Variants in RHCE observed in about 807,000 individuals in gnomAD.
RHCE encodes the protein Rh blood group CcEe antigens, also known as blood group Rh(CE) polypeptide.
Under a neutral mutation model 43.8 loss-of-function variants are expected in RHCE, and 22 were observed. The ratio of observed to expected loss-of-function variants is 0.50; its 90% CI spans 0.36 to 0.72. The LOEUF (loss-of-function observed/expected upper bound fraction) is 0.72, where lower values mean the gene tolerates loss of function less well. Ranked by LOEUF, RHCE falls within the 30% of genes least tolerant of loss-of-function variation. The pLI is 0.00. For synonymous variants in RHCE, 156 were observed against 210.7 expected (o/e 0.74, Z 2.25); for missense variants, 385 against 525.4 (o/e 0.73, Z 2.61).
chr1:25,426,035 T>C (rs2042803077), intron 2 of RHCE, among the ~76,000 whole-genome samples: 1 of 152,342 alleles, frequency 6.6e-6, no homozygotes, highest in Non-Finnish European at 1.5e-5. Flanking sequence ...GCCTGTTTCC[T>C]CATCTGGAAA....
At chr1:25,370,045 A>G (rs1417803987) in intron 9 of RHCE, among the ~76,000 whole-genome samples, 1 of 151,524 alleles carries the variant, frequency 6.6e-6, no homozygotes, top group Non-Finnish European at 1.5e-5. Context: ...AGCCAGTTGT[A>G]AGATCTTGAT....
chr1:25,423,232 T>C (rs945819934), upstream of RHCE, among the ~76,000 whole-genome samples: 64 of 152,190 alleles, frequency 4.2e-4, no homozygotes, highest in Non-Finnish European at 7.5e-4. Context: ...TCTTATAAAC[T>C]GGGTTTCCTG....
chr1:25,411,500 G>A lies in RHCE; in HGVS notation c.149-2631C>T, dbSNP rs1025789178. 6 of 1,526,426 alleles carry A rather than the reference G, an allele frequency of 3.9e-6. No individual in the cohort carries two copies. The African/African-American group carries it at 8.3e-5, about 21-fold the overall frequency. The allele number at this position is 1,526,426 out of a possible 1,614,324, so 94.6% of individuals were successfully genotyped here. A position where few individuals can be genotyped will look rare whatever the true frequency, so the allele number is the denominator to read the frequency against. On this transcript the variant is annotated intron_variant, in intron 1 of 9. Transcript: ENST00000294413. ...GGGTCTGCCAGAGAGGACAAGGGAGGACACTGACATTTCCAAATCAACCTG... is the reference window on the plus strand; with the variant it reads ...GGGTCTGCCAGAGAGGACAAGGGAGAACACTGACATTTCCAAATCAACCTG...
intron 3 of RHCE, chr1:25,399,076 C>T (rs1646649025): frequency 6.2e-7 from 1 of 1,601,940 alleles, no homozygotes. Flanking sequence ...CATGGGGATG[C>T]CTCGCAGAAA....
At chr1:25,380,673 A>G (rs1645965331) in intron 7 of RHCE, among the ~76,000 whole-genome samples, 1 of 152,070 alleles carries the variant, frequency 6.6e-6, no homozygotes, top group Admixed American at 6.5e-5. Context: ...CACTTGAACC[A>G]CAGCTGGGAT....
intron 3 of RHCE, 46 bp from the exon 4 acceptor site, chr1:25,392,187 C>G: frequency 6.2e-7 from 1 of 1,613,768 alleles, no homozygotes; most frequent in Non-Finnish European, 8.5e-7. Flanking sequence ...CATCCTCTGC[C>G]CAGGGGAAAG....
rs1307826764 is a variant in RHCE, at chr1:25,396,522, G to T, written c.487-4381C>A. 2.0e-5 allele frequency among the ~76,000 whole-genome samples: 3 copies of T among 152,202 alleles called. No homozygotes were observed. The East Asian group carries it at 5.8e-4, about 29-fold the overall frequency. ...ATTTATAAACAAAAGAGGCTGAATTGACTCACAGTTTGGCATGGCCGGAGA... is the reference window on the plus strand; with the variant it reads ...ATTTATAAACAAAAGAGGCTGAATTTACTCACAGTTTGGCATGGCCGGAGA... On this transcript the variant is annotated intron_variant, in intron 3 of 9. Coordinates refer to ENST00000294413, the MANE Select transcript of RHCE (RefSeq NM_020485.8).
At position 25,417,986 on chromosome 1, in the gene RHCE, C is replaced by T. The variant is rs548931124; in HGVS notation, c.148+2653G>A. On this transcript the variant is annotated intron_variant, in intron 1 of 9. Transcript: ENST00000294413. ...GACTGAAGCCAAACTCCGTATGCAG[C>T]CCAGTGAGTCTACCACCCACTGCTT... Among the ~76,000 whole-genome samples the T allele has an allele frequency of 2.3e-4, 35 of 152,270 alleles. No homozygotes were observed. In the South Asian group the frequency reaches 5.4e-3, roughly 23 times the overall value.
At chr1:25,370,035 A>G (rs111729032) in intron 9 of RHCE, among the ~76,000 whole-genome samples, 10,373 of 151,512 alleles carry the variant, frequency 0.068, 1,370 homozygotes, top group African/African-American at 0.23. Context: ...CACCGTGCCC[A>G]GCCAGTTGTA....
upstream of RHCE, among the ~76,000 whole-genome samples, chr1:25,425,734 C>G (rs774539935): frequency 2.6e-5 from 4 of 152,202 alleles, no homozygotes; most frequent in Non-Finnish European, 5.9e-5. Context: ...CACGTGTAAT[C>G]ATGACTTTTC....
At chr1:25,425,475 T>C (rs937551632), upstream of RHCE, among the ~76,000 whole-genome samples, 1 of 152,190 alleles carries the variant, frequency 6.6e-6, no homozygotes, top group Non-Finnish European at 1.5e-5. Flanking sequence ...ATGGCTTGTG[T>C]TGCTAATCAC....
chr1:25,407,112 A>G (rs2124495483), intron 2 of RHCE, among the ~76,000 whole-genome samples: 1 of 122,178 alleles, frequency 8.2e-6, no homozygotes, highest in African/African-American at 2.5e-5. Context: ...CTGCAGAGAC[A>G]GGGTCTCACT....
chr1:25,362,480 A>G lies in RHCE; in HGVS notation c.*47T>C. The G allele has an allele frequency of 6.3e-7, 1 of 1,595,372 alleles. No individual in the cohort carries two copies. The highest frequency in any genetic ancestry group is 8.6e-7 in the Non-Finnish European group (1 of 1,169,466). ...ACAAATGCAGGCAACAGTGAGAGGA[A>G]GTTGTCTTGTTTTTGAACAGGCCTT... On this transcript the variant is annotated 3_prime_UTR_variant, in exon 10 of 10. Transcript: ENST00000294413.
At position 25,372,959 on chromosome 1, in the gene RHCE, C is replaced by A. The variant is rs368102619; in HGVS notation, c.1153+2390G>T. On this transcript the variant is annotated intron_variant, in intron 8 of 9. Transcript: ENST00000294413. The stretch of plus-strand genomic sequence containing the variant: ...AGCTGGGACTACAGGTGTACCACCA[C>A]ACCTGGCTAATTTTTGTATCTTTTG... Among the ~76,000 whole-genome samples the A allele has an allele frequency of 3.3e-5, 5 of 151,406 alleles. 1 individual carries two copies. The East Asian group carries it at 9.7e-4, about 29-fold the overall frequency.
intron 4 of RHCE, 22 bp downstream of exon 4, chr1:25,391,972 A>G: frequency 6.2e-7 from 1 of 1,612,762 alleles, no homozygotes; most frequent in Non-Finnish European, 8.5e-7. Context: ...GTATGAGACC[A>G]CTCACCCCAC....
chr1:25,406,069 G>C (rs1270689356), intron 2 of RHCE, among the ~76,000 whole-genome samples: 1 of 122,884 alleles, frequency 8.1e-6, no homozygotes, highest in African/African-American at 2.5e-5. Flanking sequence ...ACAGGTCCCT[G>C]TGGACATCAG....
Position 25,417,908 on chromosome 1 carries a change from C to T in RHCE, c.148+2731G>A, listed in dbSNP as rs115875758. On this transcript the variant is annotated intron_variant, in intron 1 of 9. Transcript: ENST00000294413. ...CCAACACCAGCCCTGGCATGGCATCCGCCATGACCCAAACCCAAACTTGTC... is the reference window on the plus strand; with the variant it reads ...CCAACACCAGCCCTGGCATGGCATCTGCCATGACCCAAACCCAAACTTGTC... Among the ~76,000 whole-genome samples, 1,023 of 152,298 alleles carry T rather than the reference C, an allele frequency of 6.7e-3. 14 individuals carry two copies. The highest frequency in any genetic ancestry group is 0.022 in the African/African-American group (924 of 41,570).
intron 5 of RHCE, among the ~76,000 whole-genome samples, chr1:25,389,717 T>G (rs1646297535): frequency 6.6e-6 from 1 of 152,150 alleles, no homozygotes; most frequent in East Asian, 1.9e-4. Context: ...TTATTGTTTT[T>G]ATTATTATTA....
chr1:25,383,231 T>C (rs1215935803), intron 7 of RHCE, among the ~76,000 whole-genome samples: 2 of 152,198 alleles, frequency 1.3e-5, no homozygotes, highest in Non-Finnish European at 2.9e-5. Flanking sequence ...TGGGAAATGC[T>C]CCATCCTGGC....
Sources: gnomAD v4.1 joint callset for allele counts (sites outside exome capture counted in the v4.1 genomes callset) on GRCh38, gnomAD v4.1.1 for gene constraint, MANE v1.5 for transcripts, NCBI Gene and HGNC (gene_info 2026-07-23, HGNC 2026-07-21) for gene names.